Variants in LRRC4C observed in about 807,000 individuals in gnomAD.
LRRC4C encodes leucine rich repeat containing 4C.
Under a neutral mutation model 33.6 loss-of-function variants are expected in LRRC4C, and 5 were observed. The observed-to-expected ratio is 0.15, with a 90% CI of 0.08 to 0.31. The LOEUF (loss-of-function observed/expected upper bound fraction) is 0.31. LRRC4C is among the 10% of genes least tolerant of loss of function. LRRC4C has a pLI of 1.00. For synonymous variants in LRRC4C, 329 were observed against 302.0 expected (o/e 1.09, Z -0.93); for missense variants, 560 against 796.7 (o/e 0.70, Z 3.58).
intron 2 of LRRC4C, among the ~76,000 whole-genome samples, chr11:40,928,264 A>C (rs1029692921): frequency 6.6e-6 from 1 of 150,452 alleles, no homozygotes; most frequent in Non-Finnish European, 1.5e-5. Flanking sequence ...ATATATATTT[A>C]TAAATATATA....
At chr11:41,067,435 C>T (rs7927753) in intron 1 of LRRC4C, among the ~76,000 whole-genome samples, 78,543 of 151,934 alleles carry the variant, frequency 0.52, 20,815 homozygotes, top group South Asian at 0.68. Flanking sequence ...TAGAGACCTA[C>T]AAAGAGACTT....
intron 1 of LRRC4C, among the ~76,000 whole-genome samples, chr11:41,408,767 A>AACAAACAAAAAAAAAAAC (rs1954345585): frequency 1.5e-5 from 2 of 130,204 alleles, no homozygotes; most frequent in African/African-American, 5.4e-5. Context: ...AAAAAAAAAA[A>AACAAACAAAAAAAAAAAC]CTGAGTCTCT....
chr11:40,486,154 T>A (rs1478802723), intron 3 of LRRC4C, among the ~76,000 whole-genome samples: 19 of 133,484 alleles, frequency 1.4e-4, no homozygotes, highest in East Asian at 6.5e-4. Context: ...GACAAAAGTT[T>A]AAAAAAAAAA....
At chr11:41,236,512 T>A (rs1314594331) in intron 1 of LRRC4C, among the ~76,000 whole-genome samples, 3 of 151,888 alleles carry the variant, frequency 2.0e-5, no homozygotes, top group African/African-American at 7.3e-5. Context: ...AATGCTCTCA[T>A]GAGCTAATAA....
intron 2 of LRRC4C, among the ~76,000 whole-genome samples, chr11:40,903,367 C>T (rs943632640): frequency 3.3e-5 from 5 of 152,202 alleles, no homozygotes; most frequent in African/African-American, 1.2e-4. Flanking sequence ...CACCCAGCAG[C>T]TCTGCTGTAC....
intron 1 of LRRC4C, among the ~76,000 whole-genome samples, chr11:41,209,984 C>T (rs1946755825): frequency 6.6e-6 from 1 of 152,140 alleles, no homozygotes; most frequent in Admixed American, 6.6e-5. Context: ...TCTCTCTCTG[C>T]ATGCACATAG....
At chr11:41,426,325 T>C (rs982653292) in intron 1 of LRRC4C, 1 of 152,232 alleles carries the variant, frequency 6.6e-6, no homozygotes, top group Non-Finnish European at 1.5e-5. Context: ...TGATCTGGCA[T>C]CCTGGACTCC....
At chr11:40,125,221 C>G (rs946126373) in intron 6 of LRRC4C, among the ~76,000 whole-genome samples, 1 of 152,024 alleles carries the variant, frequency 6.6e-6, no homozygotes, top group South Asian at 2.1e-4. Context: ...TTTTTTCTCC[C>G]ACTAATAAGA....
chr11:40,311,068 T>C (rs1474620270), intron 4 of LRRC4C, among the ~76,000 whole-genome samples: 1 of 152,238 alleles, frequency 6.6e-6, no homozygotes, highest in African/African-American at 2.4e-5. Context: ...CCATATTCTG[T>C]GCAACCATAC....
intron 3 of LRRC4C, among the ~76,000 whole-genome samples, chr11:40,604,404 A>C (rs1400035696): frequency 6.6e-6 from 1 of 152,148 alleles, no homozygotes; most frequent in Non-Finnish European, 1.5e-5. Flanking sequence ...TTCTTCTCTT[A>C]TATCTCAGAA....
chr11:40,496,463 A>G (rs1954464724), intron 3 of LRRC4C, among the ~76,000 whole-genome samples: 2 of 152,182 alleles, frequency 1.3e-5, no homozygotes, highest in Admixed American at 1.3e-4. Flanking sequence ...ACATGAAGAG[A>G]TATATTTTAC....
chr11:40,530,705 C>T (rs756295267), intron 3 of LRRC4C, among the ~76,000 whole-genome samples: 1 of 152,122 alleles, frequency 6.6e-6, no homozygotes, highest in South Asian at 2.1e-4. Context: ...GTGGAAGACA[C>T]AGCCATGAAT....
At chr11:41,083,515 C>G (rs1318871977) in intron 1 of LRRC4C, among the ~76,000 whole-genome samples, 1 of 152,140 alleles carries the variant, frequency 6.6e-6, no homozygotes, top group African/African-American at 2.4e-5. Flanking sequence ...ATCACAGAGA[C>G]ATCTTGCTGC....
chr11:40,654,074 G>C (rs976218600), intron 2 of LRRC4C, among the ~76,000 whole-genome samples: 3 of 152,202 alleles, frequency 2.0e-5, no homozygotes, highest in African/African-American at 7.2e-5. Flanking sequence ...TTCAGAGGAT[G>C]TATGGAAATG....
At chr11:41,288,413 G>GGA (rs1949896730) in intron 1 of LRRC4C, among the ~76,000 whole-genome samples, 1 of 152,112 alleles carries the variant, frequency 6.6e-6, no homozygotes, top group East Asian at 1.9e-4. Context: ...CAGAAACTGG[G>GGA]GAGAGAGAGT....
At chr11:40,179,169 T>C (rs1025908303) in intron 5 of LRRC4C, among the ~76,000 whole-genome samples, 4 of 151,794 alleles carry the variant, frequency 2.6e-5, no homozygotes. Context: ...CATGATTGGA[T>C]TTTTTTTAAA....
At chr11:40,358,614 A>G (rs780055754) in intron 3 of LRRC4C, among the ~76,000 whole-genome samples, 6 of 152,088 alleles carry the variant, frequency 3.9e-5, no homozygotes, top group Non-Finnish European at 8.8e-5. Context: ...CGTCTCCTAT[A>G]CTAAGCTGCC....
chr11:40,996,495 A>T (rs1364297721), intron 1 of LRRC4C, among the ~76,000 whole-genome samples: 1 of 152,190 alleles, frequency 6.6e-6, no homozygotes, highest in African/African-American at 2.4e-5. Flanking sequence ...GAGATGAAAT[A>T]ATTATGTCTG....
At chr11:41,242,059 C>T (rs532967350) in intron 1 of LRRC4C, among the ~76,000 whole-genome samples, 2 of 152,114 alleles carry the variant, frequency 1.3e-5, no homozygotes, top group South Asian at 4.1e-4. Context: ...CTTACAAAAT[C>T]ATTCTAAAGA....
Sources: gnomAD v4.1 joint callset for allele counts (sites outside exome capture counted in the v4.1 genomes callset) on GRCh38, gnomAD v4.1.1 for gene constraint, MANE v1.5 for transcripts, NCBI Gene and HGNC (gene_info 2026-07-23, HGNC 2026-07-21) for gene names.